The following SGCD variants were observed in gnomAD, a reference collection of about 807,000 sequenced individuals.
SGCD encodes delta-sarcoglycan.
SGCD carries 18 observed loss-of-function variants against 36.6 expected under a neutral mutation model. The observed-to-expected ratio is 0.49, with a 90% CI of 0.34 to 0.73. The LOEUF (loss-of-function observed/expected upper bound fraction) is 0.73, where lower values mean the gene tolerates loss of function less well. Ranked by LOEUF, SGCD falls within the 30% of genes least tolerant of loss-of-function variation. The pLI is 0.01. For synonymous variants in SGCD, 133 were observed against 130.6 expected (o/e 1.02, Z -0.12); for missense variants, 387 against 346.7 (o/e 1.12, Z -0.92).
intron 1 of SGCD, among the ~76,000 whole-genome samples, chr5:155,978,698 AAC>A (rs1758170291): frequency 1.3e-5 from 2 of 152,176 alleles, no homozygotes; most frequent in African/African-American, 4.8e-5. Flanking sequence ...TAAGCTCTAA[AAC>A]AATAGAAACT....
chr5:156,055,941 A>T (rs1760046044), intron 1 of SGCD, among the ~76,000 whole-genome samples: 1 of 146,470 alleles, frequency 6.8e-6, no homozygotes, highest in Admixed American at 6.8e-5. Context: ...GACTTAGAGG[A>T]CACTAAAACT....
intron 3 of SGCD, among the ~76,000 whole-genome samples, chr5:156,297,913 C>A (rs1337319992): frequency 6.6e-6 from 1 of 151,482 alleles, no homozygotes; most frequent in South Asian, 2.1e-4. Context: ...AGTAGCTATC[C>A]CCCGCCCACC....
At chr5:156,627,433 G>C (rs1383807635) in intron 6 of SGCD, among the ~76,000 whole-genome samples, 1 of 152,110 alleles carries the variant, frequency 6.6e-6, no homozygotes, top group Admixed American at 6.5e-5. Flanking sequence ...TTACTCTTCT[G>C]ATTTTAATGG....
chr5:155,825,428 A>T, the SGCD span, among the ~76,000 whole-genome samples: 2 of 152,176 alleles, frequency 1.3e-5, no homozygotes, highest in Non-Finnish European at 2.9e-5. Context: ...CATCCTGGTG[A>T]GGTTTTCTAA....
chr5:156,416,522 A>T (rs1273003447), intron 3 of SGCD, among the ~76,000 whole-genome samples: 1 of 152,178 alleles, frequency 6.6e-6, no homozygotes, highest in African/African-American at 2.4e-5. Flanking sequence ...GAAATAAAAA[A>T]AAATTTTAAA....
At chr5:155,782,926 G>A in the SGCD span, among the ~76,000 whole-genome samples, 1 of 152,182 alleles carries the variant, frequency 6.6e-6, no homozygotes. Context: ...AAAAGGTTGG[G>A]GACTGCTGTT....
intron 3 of SGCD, among the ~76,000 whole-genome samples, chr5:156,350,572 C>T (rs576084114): frequency 6.6e-6 from 1 of 152,012 alleles, no homozygotes; most frequent in Non-Finnish European, 1.5e-5. Flanking sequence ...TTCTTTGTCT[C>T]AGAGGTAAAT....
intron 1 of SGCD, among the ~76,000 whole-genome samples, chr5:155,981,884 C>G (rs1408604391): frequency 1.3e-5 from 2 of 152,154 alleles, no homozygotes; most frequent in Non-Finnish European, 2.9e-5. Flanking sequence ...CCAAGGAGAT[C>G]AAGACCTTTT....
intron 4 of SGCD, among the ~76,000 whole-genome samples, chr5:156,535,825 C>T (rs1758082166): frequency 6.6e-6 from 1 of 152,000 alleles, no homozygotes; most frequent in Admixed American, 6.6e-5. Context: ...TGAGCCATCA[C>T]AGTATAATTT....
intron 3 of SGCD, among the ~76,000 whole-genome samples, chr5:156,172,874 A>T (rs893832813): frequency 2.0e-5 from 3 of 151,920 alleles, no homozygotes; most frequent in African/African-American, 7.2e-5. Context: ...CTTGATACAT[A>T]TTATTGGCAG....
chr5:156,727,398 A>G (rs902471337), intron 7 of SGCD, among the ~76,000 whole-genome samples: 5 of 152,352 alleles, frequency 3.3e-5, no homozygotes, highest in Middle Eastern at 3.4e-3. Context: ...CAGAAGCCCA[A>G]CTAAAATTTG....
At chr5:156,369,806 AT>A (rs749651259) in intron 3 of SGCD, among the ~76,000 whole-genome samples, 12 of 152,180 alleles carry the variant, frequency 7.9e-5, no homozygotes, top group Non-Finnish European at 1.8e-4. Context: ...ATTAGAATGG[AT>A]TGATGTGGGA....
the SGCD span, among the ~76,000 whole-genome samples, chr5:155,737,731 C>T: frequency 1.6e-4 from 25 of 152,274 alleles, no homozygotes; most frequent in African/African-American, 4.3e-4. Flanking sequence ...CACCCTTGAC[C>T]GTGGCCTCTG....
Position 156,759,754 on chromosome 5 carries a change from A to G in SGCD, c.*364A>G, listed in dbSNP as rs1008380599. On this transcript the variant is annotated 3_prime_UTR_variant, in exon 9 of 9. Transcript: ENST00000337851. ...TTCAGAATCACACAGCGTATTAAAC[A>G]CTGACAGAATCTTCATCTAGATATT... 1.3e-5 allele frequency: 2 copies of G among 152,114 alleles called. No homozygotes were observed. Among genetic ancestry groups the G allele is most frequent in the African/African-American group, 4.8e-5 (2 of 41,410 alleles). The allele number at this position is 152,114 out of a possible 1,614,324, so 9.4% of individuals were successfully genotyped here.
chr5:156,648,083 A>C (rs1230635634), intron 7 of SGCD, among the ~76,000 whole-genome samples: 2 of 152,130 alleles, frequency 1.3e-5, no homozygotes, highest in East Asian at 1.9e-4. Flanking sequence ...AGGAAAACAC[A>C]AAAGAACAGA....
intron 1 of SGCD, among the ~76,000 whole-genome samples, chr5:155,980,499 A>G (rs769978256): frequency 3.4e-5 from 5 of 147,560 alleles, no homozygotes; most frequent in Non-Finnish European, 7.4e-5. Flanking sequence ...GAGGCAGAAG[A>G]ATGGTGTGAA....
At chr5:156,138,655 A>G (rs1308311687) in intron 3 of SGCD, among the ~76,000 whole-genome samples, 1 of 152,158 alleles carries the variant, frequency 6.6e-6, no homozygotes, top group African/African-American at 2.4e-5. Context: ...TATTAGAAAC[A>G]TTTGTGAGCA....
chr5:156,209,305 C>A (rs1450384160), intron 3 of SGCD, among the ~76,000 whole-genome samples: 1 of 152,148 alleles, frequency 6.6e-6, no homozygotes, highest in Non-Finnish European at 1.5e-5. Context: ...GGTTTCAGGC[C>A]TGCTGCAACA....
At chr5:155,895,987 T>A (rs1756243660) in intron 1 of SGCD, among the ~76,000 whole-genome samples, 1 of 152,272 alleles carries the variant, frequency 6.6e-6, no homozygotes, top group Non-Finnish European at 1.5e-5. Context: ...ACATTCTCTG[T>A]CTTACACTTG....
Sources: allele counts gnomAD v4.1 joint callset (sites outside exome capture counted in the v4.1 genomes callset), GRCh38; gene constraint gnomAD v4.1.1; transcripts MANE v1.5; gene names NCBI Gene and HGNC (gene_info 2026-07-23, HGNC 2026-07-21).